Variants in EPHA3 observed in about 807,000 individuals in gnomAD.
EPHA3 encodes ephrin type-A receptor 3.
In EPHA3, 42 loss-of-function variants were observed where a neutral mutation model predicts 107.1. The ratio of observed to expected loss-of-function variants is 0.39; its 90% CI spans 0.31 to 0.51. The LOEUF is 0.51. Ranked by LOEUF, EPHA3 falls within the 20% of genes least tolerant of loss-of-function variation. The pLI, the probability that EPHA3 is intolerant of heterozygous loss-of-function variation, is 0.78. For synonymous variants in EPHA3, 461 were observed against 424.8 expected (o/e 1.09, Z -1.05); for missense variants, 1,183 against 1,211.2 (o/e 0.98, Z 0.35).
At chr3:89,434,444 C>G (rs1433904239) in intron 13 of EPHA3, among the ~76,000 whole-genome samples, 1 of 152,144 alleles carries the variant, frequency 6.6e-6, no homozygotes, top group Non-Finnish European at 1.5e-5. Flanking sequence ...TCTCAAACTG[C>G]TGATCTCAGG....
intron 3 of EPHA3, among the ~76,000 whole-genome samples, chr3:89,235,975 G>C (rs1250223553): frequency 5.9e-5 from 9 of 152,012 alleles, no homozygotes; most frequent in Non-Finnish European, 1.0e-4. Flanking sequence ...AACATGGGAA[G>C]AAATGTTCCA....
intron 2 of EPHA3, among the ~76,000 whole-genome samples, chr3:89,136,330 CTTTTTT>C (rs67054298): frequency 3.0e-4 from 7 of 23,382 alleles, no homozygotes; most frequent in African/African-American, 3.3e-4. Flanking sequence ...ATCTTACAGG[CTTTTTT>C]TTTTTTTTTT....
chr3:89,390,809 A>C (rs1708713283), intron 5 of EPHA3, among the ~76,000 whole-genome samples: 1 of 102,938 alleles, frequency 9.7e-6, no homozygotes, highest in Non-Finnish European at 2.0e-5. Context: ...TTTGAGACAG[A>C]GTTTTACTCT....
rs1706225093 is a variant in EPHA3, at chr3:89,209,875, G to A, written c.169G>A (p.Gly57Ser). Residue 57 changes from glycine (G) to serine (S), a missense_variant, in exon 3 of 17, where the codon GGT becomes AGT. Gly to Ser is a moderately conservative substitution (Grantham distance 56, BLOSUM62 0). Transcript: ENST00000336596. ...GATTCTTCAGTGGGAAGAGATCAGT[G>A]GTGTGGATGAACATTACACACCCAT... ...YPSHGWEEIS[G>S]VDEHYTPIRT... 6.2e-7 allele frequency: 1 copy of A among 1,603,374 alleles called. No homozygotes were observed. Among genetic ancestry groups the A allele is most frequent in the African/African-American group, 1.3e-5 (1 of 74,722 alleles).
At chr3:89,365,387 G>A (rs1211637331) in intron 5 of EPHA3, among the ~76,000 whole-genome samples, 1 of 150,438 alleles carries the variant, frequency 6.6e-6, no homozygotes, top group Non-Finnish European at 1.5e-5. Flanking sequence ...TAGTCCGCTG[G>A]AGTGGACACA....
chr3:89,208,708 T>C (rs1418662396), intron 2 of EPHA3, among the ~76,000 whole-genome samples: 6 of 152,122 alleles, frequency 3.9e-5, no homozygotes, highest in Admixed American at 3.3e-4. Flanking sequence ...AGAGTTTACA[T>C]TGACAATAAT....
rs534066311 is a variant in EPHA3 at position 89,221,383 on chromosome 3, T to C, written c.814+10863T>C. ...CATCGTATCTTGTTTGCATTCCCTA[T>C]AGAAGAGCAGAAAATTACGTGTCTT... On this transcript the variant is annotated intron_variant, in intron 3 of 16. Transcript: ENST00000336596. Among the ~76,000 whole-genome samples the C allele has an allele frequency of 1.3e-3, 199 of 152,168 alleles. 1 individual carries two copies. Among genetic ancestry groups the C allele is most frequent in the Non-Finnish European group, 2.4e-3 (166 of 68,028 alleles).
intron 3 of EPHA3, among the ~76,000 whole-genome samples, chr3:89,309,199 A>C (rs1190837463): frequency 6.6e-6 from 1 of 152,152 alleles, no homozygotes; most frequent in Non-Finnish European, 1.5e-5. Flanking sequence ...GGTAGGAGTT[A>C]GAGAATGAAT....
At chr3:89,472,729 A>G (rs1710433071) in intron 16 of EPHA3, 110 bp downstream of exon 16, 1 of 1,266,626 alleles carries the variant, frequency 7.9e-7, no homozygotes. Flanking sequence ...TATTAGTGGT[A>G]GATCTGAGGT....
intron 11 of EPHA3, among the ~76,000 whole-genome samples, chr3:89,426,402 G>T (rs1709457245): frequency 6.6e-6 from 1 of 151,744 alleles, no homozygotes; most frequent in Non-Finnish European, 1.5e-5. Context: ...TAGAATATTT[G>T]TAATTCTGTT....
intron 3 of EPHA3, among the ~76,000 whole-genome samples, chr3:89,227,428 A>T (rs567052988): frequency 2.6e-5 from 4 of 152,036 alleles, no homozygotes; most frequent in African/African-American, 4.8e-5. Flanking sequence ...TCCCTCATGG[A>T]TGAATCATGC....
In EPHA3 at chr3:89,368,197, A is replaced by T. The variant is rs191821433; in HGVS notation, c.1306+26107A>T. Among the ~76,000 whole-genome samples, 808 of 150,278 alleles carry T rather than the reference A, an allele frequency of 5.4e-3. 17 individuals carry two copies. The highest frequency in any genetic ancestry group is 0.018 in the African/African-American group (744 of 41,348). On this transcript the variant is annotated intron_variant, in intron 5 of 16. Coordinates refer to ENST00000336596, the MANE Select transcript of EPHA3 (RefSeq NM_005233.6). ...TAGTTGTGGAGGTATGGGGTTTTTT[A>T]AAAAAATTATTATTTTAAGAGAAAA...
At chr3:89,402,046 T>C (rs1191657475) in intron 7 of EPHA3, among the ~76,000 whole-genome samples, 2 of 152,204 alleles carry the variant, frequency 1.3e-5, no homozygotes, top group Non-Finnish European at 2.9e-5. Context: ...TAGATAAACA[T>C]GTTTTATGCA....
intron 2 of EPHA3, among the ~76,000 whole-genome samples, chr3:89,199,345 C>A (rs1705914943): frequency 6.6e-6 from 1 of 152,108 alleles, no homozygotes; most frequent in Non-Finnish European, 1.5e-5. Flanking sequence ...ACATATTTCA[C>A]CATTTAAAAA....
intron 3 of EPHA3, among the ~76,000 whole-genome samples, chr3:89,292,581 T>G (rs1322469487): frequency 6.6e-6 from 1 of 152,180 alleles, no homozygotes; most frequent in Non-Finnish European, 1.5e-5. Context: ...TTAATCCAAA[T>G]TTTGATTTTC....
chr3:89,422,810 A>C (rs1709377684), intron 11 of EPHA3, among the ~76,000 whole-genome samples: 1 of 151,466 alleles, frequency 6.6e-6, no homozygotes, highest in Admixed American at 6.6e-5. Flanking sequence ...AAATCATTTG[A>C]AGAAAACTTT....
intron 15 of EPHA3, among the ~76,000 whole-genome samples, chr3:89,456,369 A>C (rs1710097585): frequency 6.6e-6 from 1 of 152,176 alleles, no homozygotes. Flanking sequence ...CTTTTAAGAA[A>C]AACAACATCA....
chr3:89,211,742 C>CCTTCTTCTTCTT (rs1206791496), intron 3 of EPHA3, among the ~76,000 whole-genome samples: 7 of 19,534 alleles, frequency 3.6e-4, no homozygotes, highest in South Asian at 2.3e-3. Flanking sequence ...TTCTTCTTCT[C>CCTTCTTCTTCTT]CTTCTTCTTC....
chr3:89,325,932 T>C (rs1707155733), intron 3 of EPHA3, among the ~76,000 whole-genome samples: 1 of 151,202 alleles, frequency 6.6e-6, no homozygotes, highest in Non-Finnish European at 1.5e-5. Flanking sequence ...TAAGATATTA[T>C]ACATATTAAG....
Sources: gnomAD v4.1 joint callset for allele counts (sites outside exome capture counted in the v4.1 genomes callset) on GRCh38, gnomAD v4.1.1 for gene constraint, MANE v1.5 for transcripts, NCBI Gene and HGNC (gene_info 2026-07-23, HGNC 2026-07-21) for gene names.